Variants in SGK3 observed in about 807,000 individuals in gnomAD.
The protein encoded by SGK3 is serum/glucocorticoid regulated kinase family member 3.
SGK3 carries 47 observed loss-of-function variants against 68.5 expected under a neutral mutation model. That is an observed-to-expected ratio of 0.69 (90% CI 0.54 to 0.87). The LOEUF (loss-of-function observed/expected upper bound fraction) is 0.87. SGK3 is among the 40% of genes least tolerant of loss of function. The pLI is 0.00. For missense variants in SGK3, 479 were observed against 575.5 expected, an observed-to-expected ratio of 0.83 and a Z score of 1.72; for synonymous variants, 181 against 189.1, an observed-to-expected ratio of 0.96 and a Z score of 0.35.
intron 1 of SGK3, among the ~76,000 whole-genome samples, chr8:66,738,976 T>G (rs1428784760): frequency 6.6e-6 from 1 of 152,202 alleles, no homozygotes; most frequent in Non-Finnish European, 1.5e-5. Flanking sequence ...ATTTTTACCC[T>G]TCATACGCTG....
intron 1 of SGK3, among the ~76,000 whole-genome samples, chr8:66,734,928 G>A (rs1278840158): frequency 1.4e-5 from 2 of 141,374 alleles, no homozygotes; most frequent in African/African-American, 5.6e-5. Context: ...CTGGGCAGCA[G>A]AGCAAGGCTC....
intron 1 of SGK3, among the ~76,000 whole-genome samples, chr8:66,772,961 C>T (rs1806564445): frequency 6.6e-6 from 1 of 152,034 alleles, no homozygotes; most frequent in Non-Finnish European, 1.5e-5. Context: ...ACAAAGTAGC[C>T]CTGCTACATG....
intron 1 of SGK3, among the ~76,000 whole-genome samples, chr8:66,746,757 C>CG (rs1473391618): frequency 6.6e-6 from 1 of 151,860 alleles, no homozygotes; most frequent in African/African-American, 2.4e-5. Context: ...GACCAGGTCT[C>CG]GCTATGTTGC....
chr8:66,846,231 A>G (rs1303133892), intron 14 of SGK3, among the ~76,000 whole-genome samples: 1 of 152,194 alleles, frequency 6.6e-6, no homozygotes, highest in Non-Finnish European at 1.5e-5. Flanking sequence ...AACCTTGCAG[A>G]TAGAACCTGA....
intron 2 of SGK3, 67 bp from the exon 3 acceptor site, chr8:66,798,475 A>G: frequency 2.8e-6 from 4 of 1,421,340 alleles, no homozygotes; most frequent in Non-Finnish European, 3.8e-6. Context: ...GGTTTCATGT[A>G]TTTAAGTAGC....
At chr8:66,784,352 T>G (rs61349439) in intron 1 of SGK3, among the ~76,000 whole-genome samples, 4,540 of 152,254 alleles carry the variant, frequency 0.03, 218 homozygotes, top group African/African-American at 0.1. Flanking sequence ...AATTCCTTCC[T>G]TTTGGGACAC....
intron 1 of SGK3, among the ~76,000 whole-genome samples, chr8:66,771,189 T>C (rs1806499187): frequency 6.6e-6 from 1 of 150,778 alleles, no homozygotes; most frequent in Non-Finnish European, 1.5e-5. Flanking sequence ...GTTTCAACAG[T>C]CTATTACCAA....
intron 1 of SGK3, among the ~76,000 whole-genome samples, chr8:66,784,591 TA>T (rs1414010358): frequency 2.6e-5 from 4 of 152,144 alleles, no homozygotes; most frequent in African/African-American, 4.8e-5. Flanking sequence ...TTTTTTTATA[TA>T]AAAAAATTTT....
intron 1 of SGK3, among the ~76,000 whole-genome samples, chr8:66,721,719 A>G (rs1804799003): frequency 6.6e-6 from 1 of 150,696 alleles, no homozygotes; most frequent in Non-Finnish European, 1.5e-5. Context: ...TTGCAACAGC[A>G]TTGTTTTGTG....
chr8:66,799,526 G>C (rs965200865), intron 3 of SGK3, among the ~76,000 whole-genome samples: 9 of 152,216 alleles, frequency 5.9e-5, no homozygotes, highest in African/African-American at 1.4e-4. Flanking sequence ...GTTACTAATA[G>C]CTATTATGGA....
intron 1 of SGK3, among the ~76,000 whole-genome samples, chr8:66,750,258 T>C (rs1323383161): frequency 6.6e-6 from 1 of 152,118 alleles, no homozygotes; most frequent in Non-Finnish European, 1.5e-5. Context: ...ATAAAATGTA[T>C]GTACATTTCT....
intron 1 of SGK3, among the ~76,000 whole-genome samples, chr8:66,735,734 C>T (rs1435119673): frequency 6.6e-6 from 1 of 152,122 alleles, no homozygotes; most frequent in Non-Finnish European, 1.5e-5. Context: ...CCATTTTTTT[C>T]AAATGTCATT....
intron 1 of SGK3, among the ~76,000 whole-genome samples, chr8:66,759,338 C>A (rs989904445): frequency 6.6e-6 from 1 of 151,592 alleles, no homozygotes; most frequent in Non-Finnish European, 1.5e-5. Flanking sequence ...GCCCACCTCG[C>A]CCTCCCAAAG....
intron 16 of SGK3, among the ~76,000 whole-genome samples, chr8:66,855,640 G>A (rs1261495011): frequency 6.6e-6 from 1 of 152,258 alleles, no homozygotes; most frequent in South Asian, 2.1e-4. Flanking sequence ...ATTCTTACTA[G>A]TCAATGGGAA....
intron 1 of SGK3, chr8:66,737,578 G>A (rs1056314966): frequency 6.6e-6 from 1 of 151,674 alleles, no homozygotes; most frequent in African/African-American, 2.4e-5. Context: ...GTGTGGATTA[G>A]CAGATGCATG....
intron 1 of SGK3, among the ~76,000 whole-genome samples, chr8:66,723,507 A>G (rs1804885123): frequency 6.6e-6 from 1 of 152,016 alleles, no homozygotes; most frequent in Admixed American, 6.6e-5. Context: ...GCAGTGGTGC[A>G]ATCTTAACAC....
chr8:66,723,928 T>G (rs1804898866), intron 1 of SGK3, among the ~76,000 whole-genome samples: 1 of 152,170 alleles, frequency 6.6e-6, no homozygotes, highest in Non-Finnish European at 1.5e-5. Flanking sequence ...GTAAGGAGAT[T>G]TTTTTACTGA....
chr8:66,779,565 T>TAG lies in SGK3; in HGVS notation c.-121-14050_-121-14049insGA, dbSNP rs1281430661. Among the ~76,000 whole-genome samples the TAG allele has an allele frequency of 6.8e-3, 363 of 53,758 alleles. 1 individual carries two copies. Among genetic ancestry groups the TAG allele is most frequent in the Middle Eastern group, 0.026 (3 of 116 alleles). 35.3% of individuals were successfully genotyped at this position (53,758 alleles called of 152,430 possible). On this transcript the variant is annotated intron_variant, in intron 1 of 16. Coordinates refer to ENST00000521198, the MANE Select transcript of SGK3 (RefSeq NM_001033578.3). ...ATATGTATATGTATGTGTGTGAATA[T>TAG]ATATATATATATATATATATATATA...
chr8:66,753,465 C>T lies in SGK3; in HGVS notation c.-121-40151C>T, dbSNP rs1045511375. 2.2e-4 allele frequency among the ~76,000 whole-genome samples: 34 copies of T among 152,270 alleles called. 1 individual carries two copies. Among genetic ancestry groups the T allele is most frequent in the African/African-American group, 6.3e-4 (26 of 41,562 alleles). ...TAGGAGAGGACTAGGGGAAGATACT[C>T]GTAAATTGCTGAGACTTTGCTTTTC... On this transcript the variant is annotated intron_variant, in intron 1 of 16. Coordinates refer to ENST00000521198, the MANE Select transcript of SGK3 (RefSeq NM_001033578.3).
Sources: allele counts gnomAD v4.1 joint callset (sites outside exome capture counted in the v4.1 genomes callset), GRCh38; gene constraint gnomAD v4.1.1; transcripts MANE v1.5; gene names NCBI Gene and HGNC (gene_info 2026-07-23, HGNC 2026-07-21).